FNDC3B: variants seen among roughly 807,000 people sequenced by gnomAD.
FNDC3B encodes fibronectin type III domain containing 3B.
FNDC3B carries 12 observed loss-of-function variants against 151.5 expected under a neutral mutation model. The observed-to-expected ratio is 0.08, with a 90% CI of 0.05 to 0.13. The LOEUF (loss-of-function observed/expected upper bound fraction) is 0.13. FNDC3B is among the 10% of genes least tolerant of loss of function. The probability of loss-of-function intolerance (pLI) is 1.00; values close to 1 mark genes in which losing one functional copy is unlikely to be tolerated. For missense variants in FNDC3B, 1,214 were observed against 1,505.3 expected, an observed-to-expected ratio of 0.81 and a Z score of 3.20; for synonymous variants, 528 against 549.0, an observed-to-expected ratio of 0.96 and a Z score of 0.54.
At chr3:172,181,395 C>CAAAAAAAAAAAAAAAAAAAAAA (rs755223783) in intron 3 of FNDC3B, among the ~76,000 whole-genome samples, 6 of 71,530 alleles carry the variant, frequency 8.4e-5, no homozygotes, top group African/African-American at 3.7e-4. Context: ...ACTCTGTCTC[C>CAAAAAAAAAAAAAAAAAAAAAA]AAAAAAAAAA....
chr3:172,148,879 T>G (rs536348804), intron 3 of FNDC3B, among the ~76,000 whole-genome samples: 1 of 152,210 alleles, frequency 6.6e-6, no homozygotes, highest in African/African-American at 2.4e-5. Context: ...GCGAATAGAA[T>G]GCCAGGCTCC....
In FNDC3B at chr3:172,251,521, C is replaced by T. The variant is rs768417527; in HGVS notation, c.770C>T (p.Ser257Leu). 6.1e-5 allele frequency: 99 copies of T among 1,612,868 alleles called. 1 individual carries two copies. The highest frequency in any genetic ancestry group is 9.9e-5 in the South Asian group (9 of 90,982). Residue 257 changes from serine (S) to leucine (L), a missense_variant, in exon 6 of 26, where the codon TCG (serine) becomes TTG (leucine). Transcript: ENST00000415807. ...TERRARSSPK[S>L]NDSDLQEYEL... Reference sequence around the variant, plus strand: ...CGACGAGCAAGAAGCAGCCCAAAGTCGAATGATTCAGACTTGCAAGGTAAT... The same window carrying T: ...CGACGAGCAAGAAGCAGCCCAAAGTTGAATGATTCAGACTTGCAAGGTAAT...
chr3:172,380,592 A>C (rs759020169), intron 24 of FNDC3B, among the ~76,000 whole-genome samples: 3 of 152,050 alleles, frequency 2.0e-5, no homozygotes, highest in Non-Finnish European at 4.4e-5. Flanking sequence ...TCCTTCAACT[A>C]ACTCTTAAGT....
chr3:172,218,115 G>A (rs997684254), intron 3 of FNDC3B, among the ~76,000 whole-genome samples: 2 of 133,710 alleles, frequency 1.5e-5, no homozygotes, highest in Non-Finnish European at 3.1e-5. Context: ...CCAGAGAAAC[G>A]GAGAAGATCG....
chr3:172,242,368 C>G (rs1005538459), intron 4 of FNDC3B, among the ~76,000 whole-genome samples: 2 of 151,682 alleles, frequency 1.3e-5, no homozygotes, highest in Non-Finnish European at 3.0e-5. Flanking sequence ...CTGCCCTACC[C>G]TAGCAGAGGT....
At chr3:172,342,905 C>T in intron 17 of FNDC3B, 106 bp from the exon 18 acceptor site, 1 of 690,208 alleles carries the variant, frequency 1.4e-6, no homozygotes, top group Non-Finnish European at 2.7e-6. Context: ...TGTGTAACCC[C>T]TTTTCGGTAA....
chr3:172,074,190 C>T (rs571486782), intron 1 of FNDC3B, among the ~76,000 whole-genome samples: 18 of 152,364 alleles, frequency 1.2e-4, no homozygotes, highest in Non-Finnish European at 2.2e-4. Flanking sequence ...GATGATGCTA[C>T]ATTATTGCCT....
intron 25 of FNDC3B, among the ~76,000 whole-genome samples, chr3:172,388,498 A>G (rs1271332907): frequency 6.6e-6 from 1 of 152,198 alleles, no homozygotes; most frequent in Non-Finnish European, 1.5e-5. Flanking sequence ...TGCCGTTTAA[A>G]TTGGATTGAG....
intron 1 of FNDC3B, among the ~76,000 whole-genome samples, chr3:172,095,091 A>G (rs1049813687): frequency 6.6e-6 from 1 of 152,018 alleles, no homozygotes; most frequent in Non-Finnish European, 1.5e-5. Context: ...TTTGTTTTTC[A>G]TTGACTCAGA....
At chr3:172,061,468 G>A (rs6778829) in intron 1 of FNDC3B, among the ~76,000 whole-genome samples, 8,831 of 151,874 alleles carry the variant, frequency 0.058, 853 homozygotes, top group African/African-American at 0.2. Context: ...TCCTGACCTC[G>A]TGATCCTCCC....
intron 6 of FNDC3B, among the ~76,000 whole-genome samples, chr3:172,267,944 TGAA>T (rs1415532384): frequency 2.0e-5 from 3 of 152,246 alleles, no homozygotes; most frequent in Non-Finnish European, 4.4e-5. Context: ...AATTTAATTT[TGAA>T]GAAGATTTCT....
intron 3 of FNDC3B, among the ~76,000 whole-genome samples, chr3:172,208,205 G>A (rs1725530117): frequency 6.6e-6 from 1 of 152,256 alleles, no homozygotes; most frequent in South Asian, 2.1e-4. Context: ...AAGAAAAACC[G>A]AAGGTGTGAT....
chr3:172,289,414 A>G (rs1267958768), intron 7 of FNDC3B, among the ~76,000 whole-genome samples: 1 of 98,236 alleles, frequency 1.0e-5, no homozygotes, highest in African/African-American at 9.3e-5. Context: ...CCCTTTTGCC[A>G]TATAAGGTAT....
chr3:172,044,130 T>TAA (rs1576812380), intron 1 of FNDC3B, among the ~76,000 whole-genome samples: 1 of 152,236 alleles, frequency 6.6e-6, no homozygotes, highest in African/African-American at 2.4e-5. Flanking sequence ...TGTGTAAGAT[T>TAA]AAAACAGTAA....
In FNDC3B at chr3:172,316,623, G is replaced by A. The variant is rs1252809041; in HGVS notation, c.1254+5742G>A. 2.6e-5 allele frequency among the ~76,000 whole-genome samples: 4 copies of A among 152,186 alleles called. No individual in the cohort carries two copies. The East Asian group carries it at 5.8e-4, about 22-fold the overall frequency. The stretch of plus-strand genomic sequence containing the variant: ...TTTATGCAAAGTTGGCTTGTTTTAA[G>A]TTCTGCCTTAAGATATTGTTTTAAT... On this transcript the variant is annotated intron_variant, in intron 11 of 25. Coordinates refer to ENST00000415807, the MANE Select transcript of FNDC3B (RefSeq NM_022763.4).
chr3:172,378,496 A>C (rs1032584393), intron 24 of FNDC3B, 60 bp downstream of exon 24: 92 of 1,410,214 alleles, frequency 6.5e-5, no homozygotes, highest in Non-Finnish European at 8.2e-5. Context: ...GTTGGGACTT[A>C]TAGAAAGAAG....
At chr3:172,384,348 G>T (rs765608734) in intron 25 of FNDC3B, among the ~76,000 whole-genome samples, 42 of 151,992 alleles carry the variant, frequency 2.8e-4, no homozygotes, top group Non-Finnish European at 5.1e-4. Context: ...CATTTTATAC[G>T]ATATATTCCA....
chr3:172,307,602 G>A, intron 10 of FNDC3B, 101 bp downstream of exon 10: 2 of 1,191,238 alleles, frequency 1.7e-6, no homozygotes, highest in South Asian at 1.4e-5. Context: ...CTGAGGAGGG[G>A]GGATCACTTG....
chr3:172,087,195 A>C (rs529359608), intron 1 of FNDC3B, among the ~76,000 whole-genome samples: 2 of 152,330 alleles, frequency 1.3e-5, no homozygotes, highest in South Asian at 4.1e-4. Context: ...ATTTTTAGGT[A>C]ATGTACTTCT....
Sources: gnomAD v4.1 joint callset for allele counts (sites outside exome capture counted in the v4.1 genomes callset) on GRCh38, gnomAD v4.1.1 for gene constraint, MANE v1.5 for transcripts, NCBI Gene and HGNC (gene_info 2026-07-23, HGNC 2026-07-21) for gene names.